The following TMEM132B variants were observed in gnomAD, a reference collection of about 807,000 sequenced individuals.
TMEM132B encodes transmembrane protein 132B.
Under a neutral mutation model 90.8 loss-of-function variants are expected in TMEM132B, and 18 were observed. The observed-to-expected ratio is 0.20, with a 90% CI of 0.14 to 0.29. TMEM132B has a LOEUF of 0.29. Among genes scored for constraint, TMEM132B ranks in the 10% least tolerant of loss-of-function variants. The pLI is 1.00. For missense variants in TMEM132B, 1,096 were observed against 1,326.8 expected, an observed-to-expected ratio of 0.83 and a Z score of 2.70; for synonymous variants, 504 against 523.3, an observed-to-expected ratio of 0.96 and a Z score of 0.50.
intron 2 of TMEM132B, among the ~76,000 whole-genome samples, chr12:125,385,611 A>G (rs1212068379): frequency 6.6e-6 from 1 of 152,230 alleles, no homozygotes; most frequent in African/African-American, 2.4e-5. Context: ...CTCAGGCTTT[A>G]ATTTCCCAAG....
Position 125,406,507 on chromosome 12 carries a change from T to C in TMEM132B, c.960-9024T>C, listed in dbSNP as rs11058160. Among the ~76,000 whole-genome samples the C allele has an allele frequency of 0.067, 10,186 of 152,292 alleles. 1,082 individuals carry two copies. Among genetic ancestry groups the C allele is most frequent in the African/African-American group, 0.22 (9,336 of 41,540 alleles). On this transcript the variant is annotated intron_variant, in intron 2 of 8. Coordinates refer to ENST00000682704, the MANE Select transcript of TMEM132B (RefSeq NM_001366854.1). The surrounding 1 kb of genome is among the most constrained non-coding windows in gnomAD (Gnocchi z 8.3). ...CAAAACCATCTGAGACTCACTGGTCTGGACTGAGCCATGCTCCTCTTTGCA... is the reference window on the plus strand; with the variant it reads ...CAAAACCATCTGAGACTCACTGGTCCGGACTGAGCCATGCTCCTCTTTGCA...
chr12:125,209,974 A>G lies in TMEM132B; in HGVS notation c.67+23108A>G, dbSNP rs1873282667. On this transcript the variant is annotated intron_variant, in intron 1 of 8. Coordinates refer to ENST00000682704, the MANE Select transcript of TMEM132B (RefSeq NM_001366854.1). The surrounding 1 kb of genome is among the most constrained non-coding windows in gnomAD (Gnocchi z 4.4). ...CATTCATTCAACAGGTATTAATGCA[A>G]TGGAGTCTCCTCTGTGTCAGGCAGC... Among the ~76,000 whole-genome samples the G allele has an allele frequency of 6.6e-6, 1 of 152,132 alleles. No individual in the cohort carries two copies. The highest frequency in any genetic ancestry group is 2.4e-5 in the African/African-American group (1 of 41,420).
chr12:125,536,567 A>T (rs115627892), intron 4 of TMEM132B, among the ~76,000 whole-genome samples: 1,549 of 152,314 alleles, frequency 0.01, 27 homozygotes, highest in African/African-American at 0.035. Flanking sequence ...GGTTGTGAGG[A>T]TTAAACAAGT....
chr12:125,368,702 G>C (rs1878205322), intron 2 of TMEM132B, among the ~76,000 whole-genome samples: 2 of 152,186 alleles, frequency 1.3e-5, no homozygotes, highest in African/African-American at 4.8e-5. Context: ...TAGGACACAT[G>C]CTCCTCAGGA....
intron 3 of TMEM132B, among the ~76,000 whole-genome samples, chr12:125,508,764 TTTTC>T (rs1232122043): frequency 2.0e-3 from 301 of 151,874 alleles, no homozygotes; most frequent in African/African-American, 6.5e-3. Flanking sequence ...TTTTCTTTTT[TTTTC>T]TTTCTTTCTT....
chr12:125,190,722 T>TG (rs1872752181), intron 1 of TMEM132B, among the ~76,000 whole-genome samples: 1 of 9,460 alleles, frequency 1.1e-4, no homozygotes. Flanking sequence ...GTGATGGTGA[T>TG]GGCAAGGGGT....
rs1169262449 is a variant in TMEM132B at position 125,625,130 on chromosome 12, CTTTTTTT to C, written c.1438-18932_1438-18926del. ...ATATGTAGTCTTTTGGATTTGACTT[CTTTTTTT>C]TTTTTTTTTTTTTGAGACTGAGTCT... On this transcript the variant is annotated intron_variant, in intron 5 of 8. Coordinates refer to ENST00000682704, the MANE Select transcript of TMEM132B (RefSeq NM_001366854.1). 4.8e-5 allele frequency among the ~76,000 whole-genome samples: 5 copies of C among 103,906 alleles called. No individual in the cohort carries two copies. In the South Asian group the frequency reaches 1.4e-3, roughly 29 times the overall value. 68.2% of individuals were successfully genotyped at this position (103,906 alleles called of 152,430 possible).
chr12:125,315,748 T>TG (rs375543218), intron 1 of TMEM132B, among the ~76,000 whole-genome samples: 237 of 152,262 alleles, frequency 1.6e-3, no homozygotes, highest in African/African-American at 5.5e-3. Flanking sequence ...TAAGGGGTGA[T>TG]GGGACTTGGA....
intron 1 of TMEM132B, among the ~76,000 whole-genome samples, chr12:125,321,959 A>G (rs774849758): frequency 7.2e-5 from 11 of 152,222 alleles, no homozygotes; most frequent in Non-Finnish European, 1.6e-4. Flanking sequence ...TAGGACACCC[A>G]TACAATGGAA....
intron 4 of TMEM132B, among the ~76,000 whole-genome samples, chr12:125,561,168 T>C (rs1884516844): frequency 6.6e-6 from 1 of 152,124 alleles, no homozygotes; most frequent in Non-Finnish European, 1.5e-5. Flanking sequence ...GTGGCACATA[T>C]ACACCATGGA....
Position 125,652,609 on chromosome 12 carries a change from G to A in TMEM132B, c.2083G>A (p.Asp695Asn). 6.2e-7 allele frequency: 1 copy of A among 1,613,198 alleles called. No individual in the cohort carries two copies. Among genetic ancestry groups the A allele is most frequent in the Non-Finnish European group, 8.5e-7 (1 of 1,179,546 alleles). Reference sequence around the variant, plus strand: ...CATCGTCTCCACAGCTGCTGCCCTGGATGTTCTTCAGTCCCCACAGCAGGT... The same window carrying A: ...CATCGTCTCCACAGCTGCTGCCCTGAATGTTCTTCAGTCCCCACAGCAGGT... ...RAIVSTAAALDVLQSPQQEAI... is the reference protein window; with the variant it reads ...RAIVSTAAALNVLQSPQQEAI... The change falls in exon 8 of 9, where the codon GAT becomes AAT. Residue 695 changes from aspartate to asparagine, a missense_variant. By Grantham distance (23) the Asp-to-Asn change is conservative (BLOSUM62 1). Transcript: ENST00000682704.
At chr12:125,192,260 C>T (rs1211415925) in intron 1 of TMEM132B, among the ~76,000 whole-genome samples, 1 of 152,204 alleles carries the variant, frequency 6.6e-6, no homozygotes, top group African/African-American at 2.4e-5. Context: ...CAAAGTCACA[C>T]AGCCAATAAG....
At chr12:125,250,469 C>T (rs1432285979) in intron 1 of TMEM132B, among the ~76,000 whole-genome samples, 2 of 152,228 alleles carry the variant, frequency 1.3e-5, no homozygotes, top group African/African-American at 4.8e-5. Context: ...GCTGACCTTT[C>T]ACCCTCATCG....
chr12:125,425,616 C>T (rs1880295462), intron 3 of TMEM132B, among the ~76,000 whole-genome samples: 1 of 152,220 alleles, frequency 6.6e-6, no homozygotes, highest in Admixed American at 6.5e-5. Flanking sequence ...CCCTCCTTCT[C>T]CCTGAACTCC....
intron 1 of TMEM132B, among the ~76,000 whole-genome samples, chr12:125,225,746 A>C (rs1245505366): frequency 6.6e-6 from 1 of 152,172 alleles, no homozygotes; most frequent in African/African-American, 2.4e-5. Context: ...GGGTCTCTGC[A>C]TATAGGAAAA....
chr12:125,319,822 C>T (rs1255997734), intron 1 of TMEM132B, among the ~76,000 whole-genome samples: 1 of 151,900 alleles, frequency 6.6e-6, no homozygotes, highest in Non-Finnish European at 1.5e-5. Context: ...CAAGATCAGC[C>T]TGGGCAATAT....
At chr12:125,625,356 A>G (rs372813842) in intron 5 of TMEM132B, among the ~76,000 whole-genome samples, 4 of 152,126 alleles carry the variant, frequency 2.6e-5, no homozygotes. Context: ...GATGGTCTCT[A>G]TCTCGTGACC....
intron 3 of TMEM132B, among the ~76,000 whole-genome samples, chr12:125,418,528 GA>G (rs1230886632): frequency 6.6e-6 from 1 of 151,542 alleles, no homozygotes; most frequent in African/African-American, 2.4e-5. Context: ...TTTTTTTGTT[GA>G]ATTGTAATAT....
chr12:125,335,580 G>A (rs953191934), intron 1 of TMEM132B, among the ~76,000 whole-genome samples: 1 of 152,254 alleles, frequency 6.6e-6, no homozygotes, highest in African/African-American at 2.4e-5. Context: ...GATTTTAGAA[G>A]GAGAATGTGA....
Sources: allele counts gnomAD v4.1 joint callset (sites outside exome capture counted in the v4.1 genomes callset), GRCh38; gene constraint gnomAD v4.1.1; non-coding constraint Gnocchi (gnomAD v3.1); transcripts MANE v1.5; gene names NCBI Gene and HGNC (gene_info 2026-07-23, HGNC 2026-07-21).